ROR1: variants seen among roughly 807,000 people sequenced by gnomAD.
The protein encoded by ROR1 is ROR family WNT receptor 1.
ROR1 carries 19 observed loss-of-function variants against 78.8 expected under a neutral mutation model. The observed-to-expected ratio is 0.24, with a 90% CI of 0.17 to 0.35. ROR1 has a LOEUF of 0.35. Among genes scored for constraint, ROR1 ranks in the 10% least tolerant of loss-of-function variants. The pLI is 1.00. For missense variants in ROR1, 917 were observed against 1,177.8 expected (o/e 0.78, Z 3.24); for synonymous variants, 386 against 433.6 (o/e 0.89, Z 1.36).
At chr1:63,962,972 T>C (rs1274703277) in intron 1 of ROR1, among the ~76,000 whole-genome samples, 2 of 152,024 alleles carry the variant, frequency 1.3e-5, no homozygotes, top group Non-Finnish European at 2.9e-5. Flanking sequence ...AGGGTAGAGA[T>C]TGGAGAAGAA....
intron 1 of ROR1, among the ~76,000 whole-genome samples, chr1:63,851,255 G>T (rs1645112165): frequency 6.6e-6 from 1 of 152,190 alleles, no homozygotes; most frequent in African/African-American, 2.4e-5. Context: ...TGGGATTACA[G>T]GCGTGAGCCA....
chr1:63,991,517 G>C (rs1162779118), intron 1 of ROR1, among the ~76,000 whole-genome samples: 1 of 152,142 alleles, frequency 6.6e-6, no homozygotes, highest in Non-Finnish European at 1.5e-5. Context: ...ACACTGCCTG[G>C]TGAGACCCCA....
chr1:63,893,566 G>A (rs987328613), intron 1 of ROR1, among the ~76,000 whole-genome samples: 1 of 152,142 alleles, frequency 6.6e-6, no homozygotes, highest in East Asian at 1.9e-4. Flanking sequence ...AAAGGTTTTT[G>A]TGGGTTTCTT....
At chr1:63,868,620 C>G (rs990131404) in intron 1 of ROR1, among the ~76,000 whole-genome samples, 4 of 152,226 alleles carry the variant, frequency 2.6e-5, no homozygotes, top group African/African-American at 4.8e-5. Context: ...AGGGCCTGGC[C>G]TAGAGTTAGC....
At chr1:63,835,941 A>G (rs1355132311) in intron 1 of ROR1, among the ~76,000 whole-genome samples, 2 of 152,198 alleles carry the variant, frequency 1.3e-5, no homozygotes, top group Non-Finnish European at 2.9e-5. Flanking sequence ...AGCCCCACAG[A>G]AACTTTAATT....
At chr1:63,889,429 C>A (rs1645379314) in intron 1 of ROR1, among the ~76,000 whole-genome samples, 1 of 152,048 alleles carries the variant, frequency 6.6e-6, no homozygotes, top group African/African-American at 2.4e-5. Context: ...AGTCATCTAC[C>A]CAGGAAGTGA....
At chr1:63,886,205 T>C (rs1035995918) in intron 1 of ROR1, among the ~76,000 whole-genome samples, 5 of 152,154 alleles carry the variant, frequency 3.3e-5, no homozygotes, top group Non-Finnish European at 5.9e-5. Flanking sequence ...GAGGAGTGGC[T>C]ATAAATACAG....
At chr1:63,880,450 A>G (rs774850807) in intron 1 of ROR1, among the ~76,000 whole-genome samples, 3 of 152,212 alleles carry the variant, frequency 2.0e-5, no homozygotes, top group Non-Finnish European at 4.4e-5. Flanking sequence ...AGGAGAGAGA[A>G]CCACAATGTG....
intron 4 of ROR1, among the ~76,000 whole-genome samples, chr1:64,096,871 C>T (rs371036970): frequency 2.7e-5 from 4 of 150,674 alleles, no homozygotes; most frequent in South Asian, 4.2e-4. Flanking sequence ...ACAGTGTATA[C>T]GCATTCCTTT....
At chr1:64,112,371 A>G (rs1648135850) in intron 4 of ROR1, among the ~76,000 whole-genome samples, 1 of 152,046 alleles carries the variant, frequency 6.6e-6, no homozygotes, top group South Asian at 2.1e-4. Context: ...GCACAGAAAA[A>G]AAAAGTTAAC....
At chr1:63,821,737 G>GC (rs1251142827) in intron 1 of ROR1, among the ~76,000 whole-genome samples, 4 of 152,194 alleles carry the variant, frequency 2.6e-5, no homozygotes, top group Admixed American at 1.3e-4. Context: ...TTTCTCTGTG[G>GC]CATGATACTG....
At chr1:64,032,487 G>A (rs1646669584) in intron 2 of ROR1, among the ~76,000 whole-genome samples, 1 of 152,036 alleles carries the variant, frequency 6.6e-6, no homozygotes, top group African/African-American at 2.4e-5. Flanking sequence ...CACTACTTTG[G>A]AATAATGTAG....
chr1:63,838,880 G>C (rs1404816682), intron 1 of ROR1, among the ~76,000 whole-genome samples: 1 of 152,102 alleles, frequency 6.6e-6, no homozygotes, highest in Non-Finnish European at 1.5e-5. Context: ...TCTTTTATAT[G>C]TTTAGGTATG....
chr1:64,100,295 A>T (rs751931155), intron 4 of ROR1, among the ~76,000 whole-genome samples: 1 of 152,060 alleles, frequency 6.6e-6, no homozygotes, highest in African/African-American at 2.4e-5. Context: ...CAGCCTGGGC[A>T]ACATGGCAAG....
At chr1:63,845,618 A>G (rs916778680) in intron 1 of ROR1, among the ~76,000 whole-genome samples, 1 of 152,072 alleles carries the variant, frequency 6.6e-6, no homozygotes, top group Non-Finnish European at 1.5e-5. Flanking sequence ...TCCTGTTTCA[A>G]TCCTTGACCC....
intron 8 of ROR1, among the ~76,000 whole-genome samples, chr1:64,175,562 G>A (rs1650358161): frequency 6.6e-6 from 1 of 152,144 alleles, no homozygotes; most frequent in Non-Finnish European, 1.5e-5. Context: ...TTCAGCACAA[G>A]TAAACTTTCT....
intron 1 of ROR1, among the ~76,000 whole-genome samples, chr1:63,881,004 C>T (rs903001913): frequency 6.6e-6 from 1 of 152,160 alleles, no homozygotes; most frequent in African/African-American, 2.4e-5. Flanking sequence ...TACACTGTGA[C>T]TCTGTAAGAG....
At chr1:63,780,040 A>G (rs562563155) in intron 1 of ROR1, among the ~76,000 whole-genome samples, 1 of 152,192 alleles carries the variant, frequency 6.6e-6, no homozygotes, top group African/African-American at 2.4e-5. Context: ...CTTAACAGTA[A>G]CTGTCTGTCC....
At chr1:63,869,833 C>A (rs1645240410) in intron 1 of ROR1, among the ~76,000 whole-genome samples, 1 of 152,166 alleles carries the variant, frequency 6.6e-6, no homozygotes, top group African/African-American at 2.4e-5. Context: ...AATCTTGCAA[C>A]TGGACATAGT....
Sources: gnomAD v4.1 joint callset for allele counts (sites outside exome capture counted in the v4.1 genomes callset) on GRCh38, gnomAD v4.1.1 for gene constraint, MANE v1.5 for transcripts, NCBI Gene and HGNC (gene_info 2026-07-23, HGNC 2026-07-21) for gene names.